Variants in ACCSL observed in about 807,000 individuals in gnomAD.
ACCSL encodes probable inactive 1-aminocyclopropane-1-carboxylate synthase-like protein 2.
ACCSL carries 55 observed loss-of-function variants against 61.7 expected under a neutral mutation model. The ratio of observed to expected loss-of-function variants is 0.89; its 90% CI spans 0.72 to 1.12. The LOEUF (loss-of-function observed/expected upper bound fraction) is 1.12, where lower values mean the gene tolerates loss of function less well. ACCSL is among the 50% of genes most tolerant of loss of function. ACCSL has a pLI of 0.00. For missense variants in ACCSL, 632 were observed against 698.0 expected (o/e 0.91, Z 1.07); for synonymous variants, 258 against 264.3 (o/e 0.98, Z 0.23).
chr11:43,929,378 C>T, the ACCSL span, among the ~76,000 whole-genome samples: 5 of 151,836 alleles, frequency 3.3e-5, no homozygotes, highest in South Asian at 2.1e-4. Context: ...TGCCATCATG[C>T]GCAGCTAATT....
chr11:43,977,118 C>T, the ACCSL span, among the ~76,000 whole-genome samples: 1 of 152,134 alleles, frequency 6.6e-6, no homozygotes, highest in African/African-American at 2.4e-5. Flanking sequence ...GTCAGTTTCT[C>T]CATCCTCATG....
the ACCSL span, among the ~76,000 whole-genome samples, chr11:44,011,029 C>T: frequency 2.6e-5 from 4 of 152,164 alleles, no homozygotes; most frequent in Admixed American, 6.5e-5. Context: ...TAACCTGGGG[C>T]GCTTCCAATA....
At chr11:44,053,117 G>T in intron 7 of ACCSL, 49 bp downstream of exon 7, 9 of 1,523,992 alleles carry the variant, frequency 5.9e-6, no homozygotes, top group Non-Finnish European at 7.3e-6. Context: ...GTCCTAAAAG[G>T]GGTTTGAGTA....
At chr11:43,999,871 A>C in the ACCSL span, among the ~76,000 whole-genome samples, 16 of 152,314 alleles carry the variant, frequency 1.1e-4, no homozygotes, top group Middle Eastern at 3.4e-3. Flanking sequence ...TAAATCATAA[A>C]GAGTAACAAC....
At chr11:43,982,431 T>A in the ACCSL span, among the ~76,000 whole-genome samples, 2 of 151,994 alleles carry the variant, frequency 1.3e-5, no homozygotes, top group African/African-American at 4.8e-5. Context: ...TTTCACCATG[T>A]TGGCCAGGGT....
chr11:43,997,735 A>G, the ACCSL span, among the ~76,000 whole-genome samples: 1 of 152,218 alleles, frequency 6.6e-6, no homozygotes, highest in Non-Finnish European at 1.5e-5. Context: ...CCCAACCAAT[A>G]GTGACAAAAA....
chr11:43,999,482 GT>G, the ACCSL span, among the ~76,000 whole-genome samples: 4 of 152,124 alleles, frequency 2.6e-5, no homozygotes, highest in Non-Finnish European at 2.9e-5. Flanking sequence ...GTTCCTGAGG[GT>G]TTTTCGACTG....
the ACCSL span, among the ~76,000 whole-genome samples, chr11:44,000,238 C>T: frequency 2.0e-5 from 3 of 152,154 alleles, no homozygotes; most frequent in Non-Finnish European, 4.4e-5. Flanking sequence ...GATTCTCCTG[C>T]CTCAGCCTCT....
the ACCSL span, among the ~76,000 whole-genome samples, chr11:43,952,315 A>G: frequency 6.6e-6 from 1 of 152,172 alleles, no homozygotes; most frequent in African/African-American, 2.4e-5. Context: ...ATAAGTGAGA[A>G]CGTGCAGTAT....
At chr11:43,976,690 C>G in the ACCSL span, among the ~76,000 whole-genome samples, 1 of 152,132 alleles carries the variant, frequency 6.6e-6, no homozygotes, top group African/African-American at 2.4e-5. Context: ...CAGGAAGGGT[C>G]ATCTGTAGAT....
At chr11:44,049,762 T>C (rs756769599) in intron 1 of ACCSL, among the ~76,000 whole-genome samples, 3 of 152,216 alleles carry the variant, frequency 2.0e-5, no homozygotes, top group Admixed American at 6.5e-5. Context: ...CTGGATTATA[T>C]AGAACCTTCT....
the ACCSL span, among the ~76,000 whole-genome samples, chr11:43,983,448 A>C: frequency 6.6e-6 from 1 of 152,158 alleles, no homozygotes; most frequent in Non-Finnish European, 1.5e-5. Flanking sequence ...TTTCTAAGGA[A>C]GGGAACCAGC....
chr11:44,031,117 A>C, the ACCSL span, among the ~76,000 whole-genome samples: 4 of 152,126 alleles, frequency 2.6e-5, no homozygotes, highest in East Asian at 7.7e-4. Flanking sequence ...CACCTCTTTG[A>C]GACTCATGTC....
intron 8 of ACCSL, 71 bp downstream of exon 8, chr11:44,053,577 C>G: frequency 1.4e-6 from 2 of 1,416,290 alleles, no homozygotes; most frequent in Admixed American, 3.4e-5. Context: ...GTCAAGTAAT[C>G]AAGAGCCAGA....
chr11:44,004,193 G>C, the ACCSL span, among the ~76,000 whole-genome samples: 14 of 152,024 alleles, frequency 9.2e-5, no homozygotes, highest in Non-Finnish European at 1.2e-4. Context: ...TGAGGTGAAG[G>C]GGGGGGATGT....
the ACCSL span, among the ~76,000 whole-genome samples, chr11:44,009,779 A>G: frequency 1.3e-5 from 2 of 152,054 alleles, no homozygotes; most frequent in African/African-American, 4.8e-5. Context: ...AAGTAAATAA[A>G]TAAAATAATA....
At chr11:43,974,444 T>C in the ACCSL span, among the ~76,000 whole-genome samples, 14 of 152,250 alleles carry the variant, frequency 9.2e-5, no homozygotes, top group Non-Finnish European at 1.9e-4. Context: ...AGGGCCCACC[T>C]GGATAATCTG....
the ACCSL span, among the ~76,000 whole-genome samples, chr11:43,971,969 GTTAT>G: frequency 2.0e-5 from 3 of 152,078 alleles, no homozygotes; most frequent in Non-Finnish European, 4.4e-5. Context: ...CAATTTTATA[GTTAT>G]TTATTAGTCA....
chr11:44,029,097 T>A, the ACCSL span, among the ~76,000 whole-genome samples: 1 of 152,260 alleles, frequency 6.6e-6, no homozygotes, highest in African/African-American at 2.4e-5. Flanking sequence ...ATTGTGCCTC[T>A]GCAACAGCAT....
Sources: allele counts gnomAD v4.1 joint callset (sites outside exome capture counted in the v4.1 genomes callset), GRCh38; gene constraint gnomAD v4.1.1; transcripts MANE v1.5; gene names NCBI Gene and HGNC (gene_info 2026-07-23, HGNC 2026-07-21).